DPP10: variants seen among roughly 807,000 people sequenced by gnomAD.
The protein encoded by DPP10 is dipeptidyl peptidase like 10.
DPP10 carries 33 observed loss-of-function variants against 120.9 expected under a neutral mutation model. That is an observed-to-expected ratio of 0.27 (90% CI 0.21 to 0.37). The LOEUF (loss-of-function observed/expected upper bound fraction) is 0.37. Among genes scored for constraint, DPP10 ranks in the 10% least tolerant of loss-of-function variants. DPP10 has a pLI of 1.00. For missense variants in DPP10, 816 were observed against 942.8 expected (o/e 0.87, Z 1.76); for synonymous variants, 337 against 326.1 (o/e 1.03, Z -0.36).
rs1678950421 is a variant in DPP10 at position 115,753,043 on chromosome 2, A to G, written c.951-131A>G. On this transcript the variant is annotated intron_variant, in intron 10 of 25. Transcript: ENST00000410059. ...TATCTATTTATCTATCTATCTATAC[A>G]TAAATTAATATGTAGCAACATCCTT... 5 of 697,986 alleles carry G rather than the reference A, an allele frequency of 7.2e-6. No individual in the cohort carries two copies. The South Asian group carries it at 1.3e-4, about 19-fold the overall frequency. 43.2% of individuals were successfully genotyped at this position (697,986 alleles called of 1,614,324 possible).
intron 1 of DPP10, among the ~76,000 whole-genome samples, chr2:115,243,607 GACTT>G (rs915239282): frequency 1.3e-5 from 2 of 151,826 alleles, no homozygotes; most frequent in South Asian, 4.2e-4. Flanking sequence ...CATGATCTTT[GACTT>G]ACTTAATGGT....
intron 1 of DPP10, among the ~76,000 whole-genome samples, chr2:114,571,539 C>G (rs927512930): frequency 2.0e-5 from 3 of 152,064 alleles, no homozygotes; most frequent in African/African-American, 7.2e-5. Flanking sequence ...ACGTGTAATG[C>G]CATCCCCTTT....
intron 1 of DPP10, among the ~76,000 whole-genome samples, chr2:115,089,377 A>G (rs1709051154): frequency 1.3e-5 from 2 of 152,134 alleles, no homozygotes; most frequent in Non-Finnish European, 2.9e-5. Flanking sequence ...GGAATTTCCA[A>G]CTGCAAAATG....
At chr2:114,748,338 C>CTTTTTT (rs1255227047) in intron 1 of DPP10, among the ~76,000 whole-genome samples, 3 of 70,324 alleles carry the variant, frequency 4.3e-5, no homozygotes, top group Non-Finnish European at 5.6e-5. Context: ...AGGGAATTTT[C>CTTTTTT]TTTTTTTTTT....
rs548910712 is a variant in DPP10 at position 115,338,137 on chromosome 2, A to G, written c.176-5680A>G. Among the ~76,000 whole-genome samples, 3 of 152,132 alleles carry G rather than the reference A, an allele frequency of 2.0e-5. No homozygotes were observed. The South Asian group carries it at 6.2e-4, about 31-fold the overall frequency. On this transcript the variant is annotated intron_variant, in intron 2 of 25. Coordinates refer to ENST00000410059, the MANE Select transcript of DPP10 (RefSeq NM_020868.6). The stretch of plus-strand genomic sequence containing the variant: ...TGTATTAATGTGCCAAGTGATCAAT[A>G]TAATACAGAATGGAAAACAAAGGAC...
chr2:115,440,908 C>G (rs1264152208), intron 3 of DPP10: 3 of 152,102 alleles, frequency 2.0e-5, no homozygotes, highest in African/African-American at 7.2e-5. Flanking sequence ...TCATTGGGCT[C>G]CTTTGAAATG....
intron 1 of DPP10, among the ~76,000 whole-genome samples, chr2:114,954,285 G>T (rs1698037625): frequency 6.6e-6 from 1 of 151,706 alleles, no homozygotes; most frequent in Non-Finnish European, 1.5e-5. Context: ...GGGTTTCACC[G>T]TGTTAGCCAG....
intron 1 of DPP10, among the ~76,000 whole-genome samples, chr2:114,531,503 CTATGTATACCA>C (rs1685979544): frequency 6.7e-6 from 1 of 148,298 alleles, no homozygotes; most frequent in African/African-American, 2.5e-5. Flanking sequence ...CTATATATAT[CTATGTATACCA>C]TATATATATA....
At chr2:115,752,883 C>G (rs1189020051) in intron 10 of DPP10, among the ~76,000 whole-genome samples, 1 of 151,974 alleles carries the variant, frequency 6.6e-6, no homozygotes, top group African/African-American at 2.4e-5. Flanking sequence ...CCAAGAAATA[C>G]TTTTCTGGGA....
intron 1 of DPP10, among the ~76,000 whole-genome samples, chr2:114,881,523 TC>T (rs1425621721): frequency 1.3e-5 from 2 of 151,700 alleles, no homozygotes; most frequent in Non-Finnish European, 2.9e-5. Flanking sequence ...TATCTATCTA[TC>T]CATCTATCTA....
intron 1 of DPP10, among the ~76,000 whole-genome samples, chr2:115,002,243 G>A (rs1465881440): frequency 1.3e-5 from 2 of 151,996 alleles, no homozygotes; most frequent in Non-Finnish European, 2.9e-5. Flanking sequence ...TCAGATCTTA[G>A]AAAAAGCTGA....
intron 5 of DPP10, among the ~76,000 whole-genome samples, chr2:115,561,197 A>C (rs991952765): frequency 1.3e-5 from 2 of 151,890 alleles, no homozygotes; most frequent in African/African-American, 4.8e-5. Flanking sequence ...GAAATACAAA[A>C]CAAAACAAAA....
Position 115,034,324 on chromosome 2 carries a change from G to A in DPP10, c.61-274915G>A, listed in dbSNP as rs1478986342. Among the ~76,000 whole-genome samples, 3 of 151,574 alleles carry A rather than the reference G, an allele frequency of 2.0e-5. No homozygotes were observed. The East Asian group carries it at 5.8e-4, about 29-fold the overall frequency. On this transcript the variant is annotated intron_variant, in intron 1 of 25. Coordinates refer to ENST00000410059, the MANE Select transcript of DPP10 (RefSeq NM_020868.6). The stretch of plus-strand genomic sequence containing the variant: ...TAAGTGTTTATGTTTTAAGATTTCT[G>A]ACCTTTTTTCTCTCTTCTCTCCTTG...
chr2:115,317,930 TA>T (rs1481444140), intron 2 of DPP10, among the ~76,000 whole-genome samples: 1 of 152,112 alleles, frequency 6.6e-6, no homozygotes, highest in East Asian at 1.9e-4. Flanking sequence ...TTTACTTTCA[TA>T]ATAGTTTCAT....
chr2:115,692,891 T>C (rs2091392771), intron 7 of DPP10, among the ~76,000 whole-genome samples: 1 of 152,158 alleles, frequency 6.6e-6, no homozygotes, highest in Admixed American at 6.5e-5. Context: ...ATATTTCATA[T>C]CATGAGAAGC....
intron 1 of DPP10, among the ~76,000 whole-genome samples, chr2:114,697,808 G>A (rs1215478223): frequency 1.3e-5 from 2 of 150,830 alleles, no homozygotes; most frequent in Non-Finnish European, 2.9e-5. Context: ...TTCTGTAGGA[G>A]GTTCAACCAG....
chr2:115,070,541 T>C (rs182143623), intron 1 of DPP10, among the ~76,000 whole-genome samples: 94 of 152,284 alleles, frequency 6.2e-4, no homozygotes, highest in African/African-American at 2.1e-3. Context: ...TGAATTCTAA[T>C]AATGGGTGTA....
At chr2:115,433,864 T>C (rs1196767998) in intron 3 of DPP10, among the ~76,000 whole-genome samples, 1 of 152,026 alleles carries the variant, frequency 6.6e-6, no homozygotes, top group Non-Finnish European at 1.5e-5. Flanking sequence ...CAATCAGATA[T>C]CACGATTACC....
chr2:114,810,265 A>G (rs902299984), intron 1 of DPP10, among the ~76,000 whole-genome samples: 2 of 152,180 alleles, frequency 1.3e-5, no homozygotes, highest in African/African-American at 4.8e-5. Flanking sequence ...TGACAGATAC[A>G]TTTATCACTG....
Sources: allele counts gnomAD v4.1 joint callset (sites outside exome capture counted in the v4.1 genomes callset), GRCh38; gene constraint gnomAD v4.1.1; transcripts MANE v1.5; gene names NCBI Gene and HGNC (gene_info 2026-07-23, HGNC 2026-07-21).